Variants in ASB4 observed in about 807,000 individuals in gnomAD.
The protein encoded by ASB4 is ankyrin repeat and SOCS box containing 4, also known as ankyrin repeat and SOCS box protein 4.
Under a neutral mutation model 38.6 loss-of-function variants are expected in ASB4, and 35 were observed. That is an observed-to-expected ratio of 0.91 (90% confidence interval 0.69 to 1.20). ASB4 has a LOEUF of 1.20. Ranked by LOEUF, ASB4 falls within the 50% of genes most tolerant of loss-of-function variation. The pLI is 0.00. For missense variants in ASB4, 557 were observed against 527.2 expected, an observed-to-expected ratio of 1.06 and a Z score of -0.55; for synonymous variants, 195 against 201.3, an observed-to-expected ratio of 0.97 and a Z score of 0.26.
chr7:95,506,806 C>T lies in ASB4; in HGVS notation c.487+10749C>T, dbSNP rs888665111. Among the ~76,000 whole-genome samples the T allele has an allele frequency of 4.7e-5, 7 of 149,324 alleles. No homozygotes were observed. The South Asian group carries it at 1.5e-3, about 32-fold the overall frequency. On this transcript the variant is annotated intron_variant, in intron 2 of 4. Coordinates refer to ENST00000325885, the MANE Select transcript of ASB4 (RefSeq NM_016116.3). ...ATTCCAAACTGCTTGTCTATCAGTTCTGAAAAATGTTCCTGAATTATTTCC... is the reference window on the plus strand; with the variant it reads ...ATTCCAAACTGCTTGTCTATCAGTTTTGAAAAATGTTCCTGAATTATTTCC...
intron 2 of ASB4, among the ~76,000 whole-genome samples, chr7:95,520,923 C>G (rs1334595972): frequency 2.0e-5 from 3 of 151,988 alleles, no homozygotes; most frequent in Non-Finnish European, 4.4e-5. Flanking sequence ...CCATCTTATT[C>G]TTTTTTAATT....
intron 1 of ASB4, among the ~76,000 whole-genome samples, chr7:95,493,284 T>A (rs1438398390): frequency 3.3e-5 from 5 of 151,948 alleles, no homozygotes; most frequent in Admixed American, 1.3e-4. Flanking sequence ...AAAGAGGAGA[T>A]TTGGATAAAG....
chr7:95,523,926 T>C (rs968617717), intron 2 of ASB4, among the ~76,000 whole-genome samples: 8 of 152,178 alleles, frequency 5.3e-5, no homozygotes, highest in African/African-American at 1.4e-4. Context: ...AGGGAAACCA[T>C]TCAAATGCAA....
chr7:95,473,076 G>A, the ASB4 span, among the ~76,000 whole-genome samples: 1 of 152,166 alleles, frequency 6.6e-6, no homozygotes, highest in Non-Finnish European at 1.5e-5. Flanking sequence ...CGGGCAGTGA[G>A]CTGATTTTCT....
At chr7:95,472,671 G>T in the ASB4 span, among the ~76,000 whole-genome samples, 2 of 152,098 alleles carry the variant, frequency 1.3e-5, no homozygotes, top group African/African-American at 2.4e-5. Flanking sequence ...CAAGCAAAAA[G>T]GCTCAGGACA....
At chr7:95,513,404 C>G (rs1410549807) in intron 2 of ASB4, among the ~76,000 whole-genome samples, 1 of 149,770 alleles carries the variant, frequency 6.7e-6, no homozygotes, top group Non-Finnish European at 1.5e-5. Context: ...AGTCTGAAAT[C>G]TGGAGGGAAG....
chr7:95,475,039 T>G (rs1171413766), upstream of ASB4, among the ~76,000 whole-genome samples: 1 of 152,162 alleles, frequency 6.6e-6, no homozygotes. Context: ...CTGTAGAGCC[T>G]ATAGACAAGC....
intron 2 of ASB4, among the ~76,000 whole-genome samples, chr7:95,500,048 T>A (rs540098046): frequency 6.6e-6 from 1 of 151,992 alleles, no homozygotes; most frequent in East Asian, 1.9e-4. Context: ...AAGTAAAAGA[T>A]GGTTTTAAAT....
At chr7:95,487,535 T>C (rs1585793696) in intron 1 of ASB4, among the ~76,000 whole-genome samples, 1 of 152,204 alleles carries the variant, frequency 6.6e-6, no homozygotes, top group African/African-American at 2.4e-5. Flanking sequence ...GCAGGCCAAG[T>C]TGCACAGATT....
the ASB4 span, among the ~76,000 whole-genome samples, chr7:95,549,653 G>A: frequency 2.8e-4 from 43 of 152,192 alleles, 1 homozygote; most frequent in African/African-American, 1.0e-3. Context: ...CTGTAATGAT[G>A]AAATCTTACA....
chr7:95,529,873 A>G (rs1053422562), intron 3 of ASB4, among the ~76,000 whole-genome samples: 5 of 152,114 alleles, frequency 3.3e-5, no homozygotes, highest in African/African-American at 1.2e-4. Context: ...AATAGTGTTA[A>G]TATATTTTCA....
chr7:95,515,159 TTC>T (rs1300413524), intron 2 of ASB4, among the ~76,000 whole-genome samples: 22 of 95,972 alleles, frequency 2.3e-4, no homozygotes, highest in South Asian at 3.2e-4. Flanking sequence ...CTTTCTTTCT[TTC>T]TCTTTCTCTT....
chr7:95,542,040 C>T (rs1790977222), downstream of ASB4: 1 of 151,714 alleles, frequency 6.6e-6, no homozygotes, highest in African/African-American at 2.4e-5. Flanking sequence ...GTATTCCAAC[C>T]TGGGCAACAG....
chr7:95,472,649 C>T, the ASB4 span, among the ~76,000 whole-genome samples: 1 of 152,112 alleles, frequency 6.6e-6, no homozygotes, highest in South Asian at 2.1e-4. Flanking sequence ...CCAAGGTCCA[C>T]GTGCATAGCC....
chr7:95,475,000 A>C (rs1585788169), upstream of ASB4, among the ~76,000 whole-genome samples: 1 of 152,192 alleles, frequency 6.6e-6, no homozygotes, highest in East Asian at 1.9e-4. Flanking sequence ...CCTTAGGATG[A>C]GGTGGCTTTC....
chr7:95,489,214 A>G (rs532496072), intron 1 of ASB4, among the ~76,000 whole-genome samples: 9 of 152,386 alleles, frequency 5.9e-5, no homozygotes, highest in Middle Eastern at 3.4e-3. Flanking sequence ...TGGGCACACC[A>G]GTAATCAAAA....
upstream of ASB4, among the ~76,000 whole-genome samples, chr7:95,477,031 G>A (rs1789983804): frequency 6.6e-6 from 1 of 152,034 alleles, no homozygotes; most frequent in South Asian, 2.1e-4. Context: ...TATGGTTTAC[G>A]TGGATTAAAA....
downstream of ASB4, among the ~76,000 whole-genome samples, chr7:95,544,990 A>T (rs1393132839): frequency 1.3e-5 from 2 of 151,722 alleles, no homozygotes; most frequent in Non-Finnish European, 2.9e-5. Flanking sequence ...GCCCAGCCAG[A>T]TATGACAGGG....
intron 1 of ASB4, among the ~76,000 whole-genome samples, chr7:95,479,757 C>T (rs1285281007): frequency 6.6e-6 from 1 of 152,106 alleles, no homozygotes; most frequent in Non-Finnish European, 1.5e-5. Flanking sequence ...GTGGGTTTAG[C>T]TTTGAGAGAA....
Sources: allele counts gnomAD v4.1 joint callset (sites outside exome capture counted in the v4.1 genomes callset), GRCh38; gene constraint gnomAD v4.1.1; transcripts MANE v1.5; gene names NCBI Gene and HGNC (gene_info 2026-07-23, HGNC 2026-07-21).